The following MYH11 variants were observed in gnomAD, a reference collection of about 807,000 sequenced individuals.
MYH11 encodes the protein myosin heavy chain 11, also known as myosin-11.
A neutral mutation model predicts 246.6 loss-of-function variants in MYH11; 80 were observed. The observed-to-expected ratio is 0.32, with a 90% CI of 0.27 to 0.39. The LOEUF is 0.39. Ranked by LOEUF, MYH11 falls within the 10% of genes least tolerant of loss-of-function variation. The pLI, the probability that MYH11 is intolerant of heterozygous loss-of-function variation, is 1.00. For synonymous variants in MYH11, 1,071 were observed against 1,015.5 expected, an observed-to-expected ratio of 1.05 and a Z score of -1.04; for missense variants, 2,158 against 2,546.8, an observed-to-expected ratio of 0.85 and a Z score of 3.29.
At chr16:15,832,579 C>CT (rs1476646214) in intron 2 of MYH11, among the ~76,000 whole-genome samples, 5 of 152,266 alleles carry the variant, frequency 3.3e-5, no homozygotes, top group Middle Eastern at 6.8e-3. Context: ...AAACAGATTT[C>CT]TTTTTTTGAT....
chr16:15,852,659 AT>A (rs2044360427), intron 1 of MYH11, among the ~76,000 whole-genome samples: 1 of 152,084 alleles, frequency 6.6e-6, no homozygotes. Context: ...TTAGCCAGTC[AT>A]TTGCAATATC....
intron 15 of MYH11, among the ~76,000 whole-genome samples, chr16:15,752,830 G>A (rs2041607817): frequency 6.6e-6 from 1 of 152,206 alleles, no homozygotes; most frequent in Non-Finnish European, 1.5e-5. Flanking sequence ...AGTGAGCCAA[G>A]ATTGCACCAC....
intron 24 of MYH11, 47 bp downstream of exon 24, chr16:15,738,518 A>G: frequency 1.3e-6 from 2 of 1,551,344 alleles, no homozygotes; most frequent in Non-Finnish European, 1.8e-6. Context: ...ATCTCTAAAA[A>G]AAATAATAAA....
chr16:15,813,704 C>T (rs959448630), intron 3 of MYH11, among the ~76,000 whole-genome samples: 2 of 151,878 alleles, frequency 1.3e-5, no homozygotes, highest in African/African-American at 4.8e-5. Context: ...AATACATGAA[C>T]CAGTTTAGCC....
intron 1 of MYH11, among the ~76,000 whole-genome samples, chr16:15,848,848 G>C (rs779057875): frequency 6.6e-6 from 1 of 152,098 alleles, no homozygotes; most frequent in African/African-American, 2.4e-5. Context: ...AAGATCAGAC[G>C]GGGGCAAGGT....
At chr16:15,715,763 C>T (rs1053485666) in intron 38 of MYH11, among the ~76,000 whole-genome samples, 7 of 152,320 alleles carry the variant, frequency 4.6e-5, no homozygotes, top group East Asian at 1.9e-4. Flanking sequence ...CCTCCCACCT[C>T]AGCCTCCCAA....
chr16:15,791,331 T>C (rs959225714), intron 4 of MYH11: 15 of 152,292 alleles, frequency 9.8e-5, no homozygotes, highest in African/African-American at 3.4e-4. Context: ...GCCAAGTCCA[T>C]TGCAGCCTGT....
chr16:15,795,075 AGGTGGGT>A (rs1489954986), intron 4 of MYH11, among the ~76,000 whole-genome samples: 2 of 150,294 alleles, frequency 1.3e-5, no homozygotes, highest in East Asian at 4.0e-4. Context: ...AGGCTGACTG[AGGTGGGT>A]GGATCACCTG....
intron 5 of MYH11, among the ~76,000 whole-genome samples, chr16:15,784,257 G>A (rs974547172): frequency 1.3e-5 from 2 of 152,146 alleles, no homozygotes; most frequent in African/African-American, 2.4e-5. Flanking sequence ...GGCAGGGAGA[G>A]AAGAGGGAGG....
intron 1 of MYH11, among the ~76,000 whole-genome samples, chr16:15,846,559 A>T (rs1478086708): frequency 6.6e-6 from 1 of 152,168 alleles, no homozygotes; most frequent in Non-Finnish European, 1.5e-5. Flanking sequence ...AAATTCATCA[A>T]ACTGTTGGGC....
chr16:15,832,394 G>A (rs1419100948), intron 2 of MYH11, among the ~76,000 whole-genome samples: 1 of 152,014 alleles, frequency 6.6e-6, no homozygotes, highest in Non-Finnish European at 1.5e-5. Flanking sequence ...AGTGAAGCAG[G>A]GCGTGTGTGA....
At chr16:15,801,322 G>A (rs2042879301) in intron 3 of MYH11, among the ~76,000 whole-genome samples, 2 of 152,068 alleles carry the variant, frequency 1.3e-5, no homozygotes, top group Non-Finnish European at 2.9e-5. Context: ...AAAAATAAAA[G>A]ATGAGGTAGC....
chr16:15,856,065 T>C (rs1173437753), intron 1 of MYH11, among the ~76,000 whole-genome samples: 3 of 152,110 alleles, frequency 2.0e-5, no homozygotes, highest in Admixed American at 2.0e-4. Flanking sequence ...GTTTTACCCA[T>C]TTGGTTGGGC....
At chr16:15,808,057 A>G (rs1312582202) in intron 3 of MYH11, among the ~76,000 whole-genome samples, 2 of 152,068 alleles carry the variant, frequency 1.3e-5, no homozygotes, top group Non-Finnish European at 2.9e-5. Context: ...GGTAATCAAA[A>G]CCCGTCTCTG....
At chr16:15,760,364 G>A (rs1004615781) in intron 11 of MYH11, among the ~76,000 whole-genome samples, 176 bp downstream of exon 11, 1 of 152,022 alleles carries the variant, frequency 6.6e-6, no homozygotes, top group African/African-American at 2.4e-5. Flanking sequence ...ATGGATGGAT[G>A]GATGGATGAA....
chr16:15,729,039 T>A (rs1335503691), intron 27 of MYH11, among the ~76,000 whole-genome samples: 1 of 152,044 alleles, frequency 6.6e-6, no homozygotes, highest in Non-Finnish European at 1.5e-5. Context: ...TGGGAGGTGC[T>A]GGACGTTGAC....
chr16:15,761,553 C>T (rs1387635830), intron 10 of MYH11, among the ~76,000 whole-genome samples: 1 of 152,064 alleles, frequency 6.6e-6, no homozygotes, highest in Non-Finnish European at 1.5e-5. Context: ...ATGCTAGAGT[C>T]AACCTAAATG....
Position 15,724,877 on chromosome 16 carries a change from AG to A in MYH11, c.3963+10del. On this transcript the variant is annotated intron_variant, in intron 29 of 40. Coordinates refer to ENST00000300036, the MANE Select transcript of MYH11 (RefSeq NM_002474.3). ...CCCCAGGTCCCCTGGATGATGTGGC[AG>A]GACACTCACCTGGGTGTCCTGGAGC... 6.2e-7 allele frequency: 1 copy of A among 1,614,018 alleles called. No homozygotes were observed.
At chr16:15,709,942 C>G (rs956756204) in intron 40 of MYH11, among the ~76,000 whole-genome samples, 1 of 152,092 alleles carries the variant, frequency 6.6e-6, no homozygotes. Flanking sequence ...GGGCTTGTGT[C>G]GAGATGCGTC....
Sources: allele counts gnomAD v4.1 joint callset (sites outside exome capture counted in the v4.1 genomes callset), GRCh38; gene constraint gnomAD v4.1.1; transcripts MANE v1.5; gene names NCBI Gene and HGNC (gene_info 2026-07-23, HGNC 2026-07-21).